Variants in FNTB observed in about 807,000 individuals in gnomAD.
FNTB encodes the protein protein farnesyltransferase subunit beta.
FNTB carries 27 observed loss-of-function variants against 59.4 expected under a neutral mutation model. That is an observed-to-expected ratio of 0.45 (90% CI 0.34 to 0.63). The LOEUF is 0.63. Ranked by LOEUF, FNTB falls within the 20% of genes least tolerant of loss-of-function variation. The pLI is 0.02. For synonymous variants in FNTB, 230 were observed against 220.7 expected (o/e 1.04, Z -0.37); for missense variants, 449 against 559.6 (o/e 0.80, Z 1.99).
At chr14:64,996,666 C>A (rs567524433) in intron 1 of FNTB, among the ~76,000 whole-genome samples, 1 of 151,766 alleles carries the variant, frequency 6.6e-6, no homozygotes, top group South Asian at 2.1e-4. Context: ...ACTTTGAAAT[C>A]CTTTTCCTTT....
intron 3 of FNTB, among the ~76,000 whole-genome samples, chr14:65,015,164 G>T (rs2061746436): frequency 6.7e-6 from 1 of 150,370 alleles, no homozygotes; most frequent in African/African-American, 2.4e-5. Context: ...GTGCAGTGGT[G>T]CCATCTCGGC....
intron 11 of FNTB, among the ~76,000 whole-genome samples, chr14:65,055,221 A>G (rs2062705753): frequency 6.6e-6 from 1 of 152,164 alleles, no homozygotes; most frequent in Non-Finnish European, 1.5e-5. Flanking sequence ...TTCCTGAAAA[A>G]ACAATAGCCC....
At chr14:65,045,819 C>T (rs1211033991) in intron 9 of FNTB, among the ~76,000 whole-genome samples, 2 of 152,178 alleles carry the variant, frequency 1.3e-5, no homozygotes, top group Admixed American at 1.3e-4. Context: ...ATTTTCCCGG[C>T]CTGGGCCCAC....
At chr14:65,021,582 C>A (rs187352963) in intron 4 of FNTB, among the ~76,000 whole-genome samples, 1 of 152,122 alleles carries the variant, frequency 6.6e-6, no homozygotes, top group African/African-American at 2.4e-5. Flanking sequence ...CTCTACAGGA[C>A]GGTCCCTGCA....
At chr14:65,049,497 A>AT (rs1333985193) in intron 9 of FNTB, among the ~76,000 whole-genome samples, 1 of 152,198 alleles carries the variant, frequency 6.6e-6, no homozygotes, top group African/African-American at 2.4e-5. Flanking sequence ...ATCTGCTTTC[A>AT]TCTTGTTGTG....
rs569734620 is a variant in FNTB, at chr14:64,994,780, T to G, written c.144+7683T>G. 2.0e-4 allele frequency among the ~76,000 whole-genome samples: 31 copies of G among 152,274 alleles called. 1 individual carries two copies. Among genetic ancestry groups the G allele is most frequent in the African/African-American group, 7.0e-4 (29 of 41,552 alleles). On this transcript the variant is annotated intron_variant, in intron 1 of 11. Transcript: ENST00000246166. This position sits in a 1 kb window ranked among gnomAD's most constrained non-coding sequence, Gnocchi z 4.2. ...TGAGTGTACACTACTGTAGACTTTA[T>G]AAACACTGTACACTTGTTACTGAGC...
At chr14:65,041,381 C>T (rs1008671238) in intron 8 of FNTB, among the ~76,000 whole-genome samples, 1 of 152,176 alleles carries the variant, frequency 6.6e-6, no homozygotes, top group African/African-American at 2.4e-5. Flanking sequence ...GGCAGCCCAA[C>T]ATTTATGTCT....
In FNTB at chr14:65,001,552, A is replaced by G. The variant is rs1390983318; in HGVS notation, c.145-2697A>G. Among the ~76,000 whole-genome samples the G allele has an allele frequency of 4.6e-5, 7 of 152,188 alleles. No homozygotes were observed. Among genetic ancestry groups the G allele is most frequent in the Non-Finnish European group, 8.8e-5 (6 of 68,042 alleles). ...ACTCGTGATTATATGGGAGGGTTGT[A>G]TAGGTTTTGTGTAAATACTCCAGCA... On this transcript the variant is annotated intron_variant, in intron 1 of 11. Coordinates refer to ENST00000246166, the MANE Select transcript of FNTB (RefSeq NM_002028.4). The surrounding 1 kb of genome is among the most constrained non-coding windows in gnomAD (Gnocchi z 5.5).
At chr14:65,020,634 A>G (rs911934610) in intron 4 of FNTB, among the ~76,000 whole-genome samples, 28 of 150,778 alleles carry the variant, frequency 1.9e-4, no homozygotes, top group African/African-American at 5.6e-4. Flanking sequence ...GGGTTTTACC[A>G]TGTTGGCCAA....
chr14:65,039,652 C>A (rs924435105), intron 7 of FNTB, among the ~76,000 whole-genome samples: 4 of 152,064 alleles, frequency 2.6e-5, no homozygotes, highest in Non-Finnish European at 4.4e-5. Flanking sequence ...TATTTCTTGT[C>A]CTTCTTGTGT....
In FNTB at chr14:65,047,727, A is replaced by G. The variant is rs1314051451; in HGVS notation, c.955+3284A>G. Among the ~76,000 whole-genome samples the G allele has an allele frequency of 1.3e-5, 2 of 152,202 alleles. No individual in the cohort carries two copies. The highest frequency in any genetic ancestry group is 2.9e-5 in the Non-Finnish European group (2 of 68,032). On this transcript the variant is annotated intron_variant, in intron 9 of 11. Transcript: ENST00000246166. This position sits in a 1 kb window ranked among gnomAD's most constrained non-coding sequence, Gnocchi z 5.2. ...GAAGTGGAGTTTCAATAGCAGCCTA[A>G]GTGCCTATCAAAAGGTTAAGGGTTA...
intron 4 of FNTB, among the ~76,000 whole-genome samples, chr14:65,018,481 AGTT>A (rs2061821839): frequency 1.3e-5 from 2 of 152,214 alleles, no homozygotes; most frequent in South Asian, 4.1e-4. Context: ...TACATGTAGT[AGTT>A]ATTTCTGGAC....
At position 65,011,671 on chromosome 14, in the gene FNTB, G is replaced by A. The variant is rs894482383; in HGVS notation, c.210-646G>A. On this transcript the variant is annotated intron_variant, in intron 2 of 11. Coordinates refer to ENST00000246166, the MANE Select transcript of FNTB (RefSeq NM_002028.4). The surrounding 1 kb of genome is among the most constrained non-coding windows in gnomAD (Gnocchi z 4.0). ...GAAGTGCAGCCTCTGTGCTTTGCCCGGCCTGTGCAGGTGGCCATGGGCGGC... is the reference window on the plus strand; with the variant it reads ...GAAGTGCAGCCTCTGTGCTTTGCCCAGCCTGTGCAGGTGGCCATGGGCGGC... Among the ~76,000 whole-genome samples, 7 of 152,178 alleles carry A rather than the reference G, an allele frequency of 4.6e-5. No homozygotes were observed. Among genetic ancestry groups the A allele is most frequent in the East Asian group, 1.9e-4 (1 of 5,194 alleles).
Position 65,023,944 on chromosome 14 carries a change from A to G in FNTB, c.375-3509A>G, listed in dbSNP as rs968838814. On this transcript the variant is annotated intron_variant, in intron 4 of 11. Transcript: ENST00000246166. This position sits in a 1 kb window ranked among gnomAD's most constrained non-coding sequence, Gnocchi z 4.1. ...AGTGAAACCCTGACTCTACTAAAAA[A>G]TACAAAAATTAGCTGGGCGTGGCGG... Among the ~76,000 whole-genome samples the G allele has an allele frequency of 3.3e-5, 5 of 152,140 alleles. No homozygotes were observed. Among genetic ancestry groups the G allele is most frequent in the African/African-American group, 1.2e-4 (5 of 41,448 alleles).
chr14:65,042,188 TG>T, intron 8 of FNTB, among the ~76,000 whole-genome samples: 1 of 151,572 alleles, frequency 6.6e-6, no homozygotes, highest in East Asian at 1.9e-4. Context: ...GACCTGGGGT[TG>T]GGGGTGGGAC....
chr14:65,053,217 T>G (rs1249519470), intron 9 of FNTB, 21 bp from the exon 10 acceptor site: 4 of 1,359,162 alleles, frequency 2.9e-6, no homozygotes, highest in Non-Finnish European at 1.9e-6. Flanking sequence ...GGGCCCTTAC[T>G]GACCCTTTGC....
Position 65,031,310 on chromosome 14 carries a change from A to G in FNTB, c.606-1300A>G, listed in dbSNP as rs533668777. ...AGAATGATCCTAAATCAAGTATAAT[A>G]ATTTTTTGTGTTTGTTTTTTTTTTT... On this transcript the variant is annotated intron_variant, in intron 6 of 11. Coordinates refer to ENST00000246166, the MANE Select transcript of FNTB (RefSeq NM_002028.4). This position sits in a 1 kb window ranked among gnomAD's most constrained non-coding sequence, Gnocchi z 4.6. Among the ~76,000 whole-genome samples, 1 of 151,518 alleles carries G rather than the reference A, an allele frequency of 6.6e-6. No homozygotes were observed. Among genetic ancestry groups the G allele is most frequent in the East Asian group, 2.0e-4 (1 of 5,098 alleles).
intron 2 of FNTB, among the ~76,000 whole-genome samples, chr14:65,004,720 T>C (rs1306029867): frequency 6.6e-6 from 1 of 152,128 alleles, no homozygotes; most frequent in Non-Finnish European, 1.5e-5. Flanking sequence ...TGGGGTGCAG[T>C]GGCACAATCT....
Position 64,991,356 on chromosome 14 carries a change from CT to C in FNTB, c.144+4262del, listed in dbSNP as rs1441928916. On this transcript the variant is annotated intron_variant, in intron 1 of 11. Transcript: ENST00000246166. This position sits in a 1 kb window ranked among gnomAD's most constrained non-coding sequence, Gnocchi z 4.4. ...GTGGCTCACTCCTGTAATCCCAGCA[CT>C]TTGGGAGGCTGAGGCTGGCGGATCA... is the stretch of plus-strand genomic sequence containing the variant. Among the ~76,000 whole-genome samples the C allele has an allele frequency of 6.6e-6, 1 of 152,176 alleles. No individual in the cohort carries two copies.
Sources: allele counts gnomAD v4.1 joint callset (sites outside exome capture counted in the v4.1 genomes callset), GRCh38; gene constraint gnomAD v4.1.1; non-coding constraint Gnocchi (gnomAD v3.1); transcripts MANE v1.5; gene names NCBI Gene and HGNC (gene_info 2026-07-23, HGNC 2026-07-21).